Variants in ADCYAP1R1 observed in about 807,000 individuals in gnomAD.
ADCYAP1R1 encodes the protein pituitary adenylate cyclase-activating polypeptide type I receptor.
ADCYAP1R1 carries 44 observed loss-of-function variants against 67.6 expected under a neutral mutation model. The ratio of observed to expected loss-of-function variants is 0.65; its 90% confidence interval spans 0.51 to 0.84. The LOEUF (loss-of-function observed/expected upper bound fraction) is 0.84, where lower values mean the gene tolerates loss of function less well. Ranked by LOEUF, ADCYAP1R1 falls within the 40% of genes least tolerant of loss-of-function variation. The probability of loss-of-function intolerance (pLI) is 0.00; values close to 1 mark genes in which losing one functional copy is unlikely to be tolerated. For missense variants in ADCYAP1R1, 477 were observed against 587.9 expected (o/e 0.81, Z 1.95); for synonymous variants, 222 against 219.6 (o/e 1.01, Z -0.10).
intron 13 of ADCYAP1R1, among the ~76,000 whole-genome samples, chr7:31,093,042 T>C (rs969428749): frequency 6.6e-6 from 1 of 151,448 alleles, no homozygotes; most frequent in Non-Finnish European, 1.5e-5. Context: ...GGAGGTAGGG[T>C]CTTGGTTGGT....
At chr7:31,057,492 C>T (rs964423076) in intron 1 of ADCYAP1R1, among the ~76,000 whole-genome samples, 5 of 152,334 alleles carry the variant, frequency 3.3e-5, no homozygotes, top group Admixed American at 3.3e-4. Context: ...GACCTGGTTC[C>T]CTACCCAAGC....
intron 1 of ADCYAP1R1, among the ~76,000 whole-genome samples, chr7:31,053,019 A>AG (rs1340675588): frequency 6.6e-6 from 1 of 152,154 alleles, no homozygotes; most frequent in Non-Finnish European, 1.5e-5. Context: ...AAGGGAGACC[A>AG]GGGGGGCAGG....
At chr7:31,058,920 G>A (rs557382459) in intron 1 of ADCYAP1R1, among the ~76,000 whole-genome samples, 6 of 152,236 alleles carry the variant, frequency 3.9e-5, no homozygotes, top group South Asian at 4.2e-4. Flanking sequence ...TCTGTGTGTC[G>A]GTCACCTCCG....
chr7:31,106,360 C>T (rs530433893), intron 15 of ADCYAP1R1, 136 bp from the exon 16 acceptor site: 18 of 1,088,842 alleles, frequency 1.7e-5, no homozygotes, highest in Admixed American at 9.6e-5. Flanking sequence ...CCTTGAGGGC[C>T]GCAGGCTGCA....
In ADCYAP1R1 at chr7:31,086,635, G is replaced by A; in HGVS notation, c.823+98G>A. 1.4e-6 allele frequency: 2 copies of A among 1,439,874 alleles called. No homozygotes were observed. The highest frequency in any genetic ancestry group is 1.9e-6 in the Non-Finnish European group (2 of 1,044,274). The allele number at this position is 1,439,874 out of a possible 1,614,324, so 89.2% of individuals were successfully genotyped here. On this transcript the variant is annotated intron_variant, in intron 10 of 15. Coordinates refer to ENST00000304166, the MANE Select transcript of ADCYAP1R1 (RefSeq NM_001118.5). The surrounding 1 kb of genome is among the most constrained non-coding windows in gnomAD (Gnocchi z 5.0). ...ATCTTCAGGAAGTGTCAGGTGAGGA[G>A]GGGCCACTGCCCTGCCCGAGTCTAA...
chr7:31,084,133 T>G lies in ADCYAP1R1; in HGVS notation c.329-8T>G. On this transcript the variant is annotated splice_region_variant and splice_polypyrimidine_tract_variant and intron_variant, in intron 6 of 15. Transcript: ENST00000304166. Reference sequence around the variant, plus strand: ...TCTGGGCCTCGCTGAGTTTTCTTTTTGCTGCAGACATGGGAGTGGTGAGCC... The same window carrying G: ...TCTGGGCCTCGCTGAGTTTTCTTTTGGCTGCAGACATGGGAGTGGTGAGCC... The G allele has an allele frequency of 6.2e-7, 1 of 1,613,742 alleles. No homozygotes were observed. Among genetic ancestry groups the G allele is most frequent in the Non-Finnish European group, 8.5e-7 (1 of 1,179,672 alleles).
At chr7:31,106,191 A>C (rs766719005) in intron 15 of ADCYAP1R1, among the ~76,000 whole-genome samples, 4 of 152,244 alleles carry the variant, frequency 2.6e-5, no homozygotes, top group Non-Finnish European at 5.9e-5. Context: ...TGCTTGTTAA[A>C]GATTTCCTGA....
At chr7:31,106,403 C>G (rs188923292) in intron 15 of ADCYAP1R1, 93 bp from the exon 16 acceptor site, 1 of 1,460,094 alleles carries the variant, frequency 6.8e-7, no homozygotes, top group Non-Finnish European at 9.1e-7. Flanking sequence ...GAGGGTGGCA[C>G]TGCCAGCCTG....
At position 31,063,421 on chromosome 7, in the gene ADCYAP1R1, G is replaced by A. The variant is rs1228093401; in HGVS notation, c.51+106G>A. The A allele has an allele frequency of 3.7e-6, 5 of 1,338,818 alleles. No individual in the cohort carries two copies. The East Asian group carries it at 7.1e-5, about 19-fold the overall frequency. The allele number at this position is 1,338,818 out of a possible 1,614,324, so 82.9% of individuals were successfully genotyped here. A position where few individuals can be genotyped will look rare whatever the true frequency, so the allele number is the denominator to read the frequency against. ...CCTCAGCTCAGCTCTTCATCTGGCT[G>A]GTATTTCTGCCAACACCACCACTGG... On this transcript the variant is annotated intron_variant, in intron 2 of 15. Coordinates refer to ENST00000304166, the MANE Select transcript of ADCYAP1R1 (RefSeq NM_001118.5).
At chr7:31,062,444 T>C (rs959660286) in intron 1 of ADCYAP1R1, among the ~76,000 whole-genome samples, 2 of 152,154 alleles carry the variant, frequency 1.3e-5, no homozygotes, top group Admixed American at 6.5e-5. Context: ...GTGGGTGTAA[T>C]TGTTAGGGTA....
intron 4 of ADCYAP1R1, 122 bp downstream of exon 4, chr7:31,078,220 A>C: frequency 1.4e-6 from 1 of 691,814 alleles, no homozygotes; most frequent in African/African-American, 1.8e-5. Context: ...TCCTGAGCTC[A>C]CATGTGGTGT....
chr7:31,082,393 A>G (rs1250654573), intron 6 of ADCYAP1R1, among the ~76,000 whole-genome samples: 1 of 152,220 alleles, frequency 6.6e-6, no homozygotes, highest in African/African-American at 2.4e-5. Context: ...GTTCTGAACA[A>G]AAGGGTTTAT....
At chr7:31,090,310 A>G (rs1325922677) in intron 12 of ADCYAP1R1, among the ~76,000 whole-genome samples, 2 of 152,090 alleles carry the variant, frequency 1.3e-5, no homozygotes, top group Non-Finnish European at 2.9e-5. Flanking sequence ...CATCTTTCTC[A>G]TTCCTAAATT....
intron 1 of ADCYAP1R1, among the ~76,000 whole-genome samples, chr7:31,054,124 T>G (rs1794142292): frequency 6.6e-6 from 1 of 152,064 alleles, no homozygotes; most frequent in African/African-American, 2.4e-5. Context: ...AATCTGAACA[T>G]ACAGATTGGA....
rs534064865 is a variant in ADCYAP1R1, at chr7:31,074,036, G to A, written c.158-3955G>A. Among the ~76,000 whole-genome samples the A allele has an allele frequency of 2.5e-4, 38 of 152,274 alleles. No homozygotes were observed. In the Middle Eastern group the frequency reaches 0.01, roughly 41 times the overall value. Reference sequence around the variant, plus strand: ...GGGGCACCTTAGCAGATGCCCTTTAGGCAGCTGTAGCTGCCCCAGCCATCC... The same window carrying A: ...GGGGCACCTTAGCAGATGCCCTTTAAGCAGCTGTAGCTGCCCCAGCCATCC... On this transcript the variant is annotated intron_variant, in intron 3 of 15. Transcript: ENST00000304166.
intron 3 of ADCYAP1R1, among the ~76,000 whole-genome samples, chr7:31,071,999 CCAG>C (rs1795009963): frequency 8.8e-4 from 19 of 21,700 alleles, no homozygotes; most frequent in South Asian, 2.7e-3. Flanking sequence ...ATCCATCCAT[CCAG>C]CCACCCACCC....
At chr7:31,091,955 T>G (rs1795979125) in intron 12 of ADCYAP1R1, among the ~76,000 whole-genome samples, 1 of 151,850 alleles carries the variant, frequency 6.6e-6, no homozygotes, top group African/African-American at 2.4e-5. Context: ...ATTTGAATGC[T>G]TAAGTGTTTT....
Position 31,105,971 on chromosome 7 carries a change from G to T in ADCYAP1R1, c.1219-525G>T, listed in dbSNP as rs372503017. On this transcript the variant is annotated intron_variant, in intron 15 of 15. Coordinates refer to ENST00000304166, the MANE Select transcript of ADCYAP1R1 (RefSeq NM_001118.5). Reference sequence around the variant, plus strand: ...CATGGGTGTGTGTTTTCCCAGAGGGGTGCATTATTTAATGGTTCTCAACCC... The same window carrying T: ...CATGGGTGTGTGTTTTCCCAGAGGGTTGCATTATTTAATGGTTCTCAACCC... Among the ~76,000 whole-genome samples, 9 of 152,334 alleles carry T rather than the reference G, an allele frequency of 5.9e-5. No homozygotes were observed. The South Asian group carries it at 1.7e-3, about 28-fold the overall frequency.
chr7:31,099,044 G>A (rs1192941279), intron 13 of ADCYAP1R1, among the ~76,000 whole-genome samples: 1 of 148,736 alleles, frequency 6.7e-6, no homozygotes, highest in Non-Finnish European at 1.5e-5. Flanking sequence ...GAAGGGGAAA[G>A]TGTTCATGGC....
Sources: allele counts gnomAD v4.1 joint callset (sites outside exome capture counted in the v4.1 genomes callset), GRCh38; gene constraint gnomAD v4.1.1; non-coding constraint Gnocchi (gnomAD v3.1); transcripts MANE v1.5; gene names NCBI Gene and HGNC (gene_info 2026-07-23, HGNC 2026-07-21).